The following CERCAM variants were observed in gnomAD, a reference collection of about 807,000 sequenced individuals.
CERCAM encodes the protein inactive glycosyltransferase 25 family member 3.
A neutral mutation model predicts 66.0 loss-of-function variants in CERCAM; 59 were observed. That is an observed-to-expected ratio of 0.89 (90% confidence interval 0.73 to 1.11). The LOEUF (loss-of-function observed/expected upper bound fraction) is 1.11. CERCAM is among the 50% of genes most tolerant of loss of function. The pLI is 0.00. For synonymous variants in CERCAM, 318 were observed against 343.6 expected, an observed-to-expected ratio of 0.93 and a Z score of 0.83; for missense variants, 840 against 828.3, an observed-to-expected ratio of 1.01 and a Z score of -0.17.
At chr9:128,436,137 C>CCT (rs1834109332) in intron 12 of CERCAM, among the ~76,000 whole-genome samples, 1 of 152,196 alleles carries the variant, frequency 6.6e-6, no homozygotes, top group African/African-American at 2.4e-5. Flanking sequence ...CTCACTGCAA[C>CCT]CTCTGCCTCT....
intron 9 of CERCAM, chr9:128,431,813 G>C (rs1353363384): frequency 6.5e-6 from 1 of 154,042 alleles, no homozygotes; most frequent in African/African-American, 2.4e-5. Context: ...AAGGAAGCCT[G>C]GGGCTTAGCA....
At chr9:128,433,867 T>G (rs554350099) in intron 9 of CERCAM, among the ~76,000 whole-genome samples, 40 of 152,244 alleles carry the variant, frequency 2.6e-4, no homozygotes, top group African/African-American at 9.6e-4. Flanking sequence ...ACAGTAGCAC[T>G]CAGGGAATGT....
chr9:128,425,096 C>T (rs11999838), intron 5 of CERCAM, among the ~76,000 whole-genome samples: 46,136 of 149,876 alleles, frequency 0.31, 9,537 homozygotes, highest in African/African-American at 0.59. Context: ...CTCACTCTGT[C>T]GCCCAGGCTG....
intron 9 of CERCAM, among the ~76,000 whole-genome samples, chr9:128,432,477 C>G (rs377076659): frequency 6.6e-6 from 1 of 151,334 alleles, no homozygotes; most frequent in Non-Finnish European, 1.5e-5. Flanking sequence ...CTGGACCTCC[C>G]GGGCTCAAGC....
In CERCAM at chr9:128,429,976, T is replaced by C. The variant is rs1375474036; in HGVS notation, c.1070+940T>C. On this transcript the variant is annotated intron_variant, in intron 8 of 12. Transcript: ENST00000372838. ...GATTAAAAAAAATGTTTTGTTTTGT[T>C]TTTTTTTCATAGAGATAGGGTCTCA... Among the ~76,000 whole-genome samples the C allele has an allele frequency of 2.0e-5, 3 of 151,670 alleles. No individual in the cohort carries two copies. The East Asian group carries it at 5.8e-4, about 30-fold the overall frequency.
At position 128,421,056 on chromosome 9, in the gene CERCAM, G is replaced by A; in HGVS notation, c.179G>A (p.Arg60Gln). The A allele has an allele frequency of 3.0e-6, 4 of 1,350,548 alleles. No homozygotes were observed. Among genetic ancestry groups the A allele is most frequent in the Non-Finnish European group, 3.8e-6 (4 of 1,050,220 alleles). 83.7% of individuals were successfully genotyped at this position (1,350,548 alleles called of 1,614,324 possible). ...GCTCTGGAGCGGCTGGACTACCCCC[G>A]GGCCAGGATGGCCCTCTGGTGAGAG... ...LGALERLDYP[R>Q]ARMALWCATD... Residue 60 changes from arginine (R) to glutamine (Q), a missense_variant, in exon 1 of 13, where the codon CGG becomes CAG. Arg to Gln is a conservative substitution (Grantham distance 43). Coordinates refer to ENST00000372838, the MANE Select transcript of CERCAM (RefSeq NM_016174.5).
chr9:128,428,267 C>G, intron 5 of CERCAM, 35 bp from the exon 6 acceptor site: 1 of 1,608,860 alleles, frequency 6.2e-7, no homozygotes, highest in Non-Finnish European at 8.5e-7. Flanking sequence ...GAGCCCCACC[C>G]TCCACTGCAG....
chr9:128,434,477 G>C lies in CERCAM; in HGVS notation c.1399G>C (p.Val467Leu). 1 of 1,613,972 alleles carries C rather than the reference G, an allele frequency of 6.2e-7. No individual in the cohort carries two copies. The highest frequency in any genetic ancestry group is 8.5e-7 in the Non-Finnish European group (1 of 1,180,016). ...TAVEGLPGLV[V>L]AGYSYWTLAY... ...CGTGGAGGGGCTGCCGGGCCTGGTG[G>C]TGGCTGGGTACTCCTACTGGACGCT... Residue 467 changes from valine (V) to leucine (L), a missense_variant, in exon 11 of 13, where the codon GTG becomes CTG. Val to Leu is a conservative substitution (Grantham distance 32, BLOSUM62 1). Coordinates refer to ENST00000372838, the MANE Select transcript of CERCAM (RefSeq NM_016174.5). The surrounding 1 kb of genome is among the most constrained non-coding windows in gnomAD (Gnocchi z 4.5).
At chr9:128,427,871 A>T (rs1366814058) in intron 5 of CERCAM, 1 of 129,942 alleles carries the variant, frequency 7.7e-6, no homozygotes, top group African/African-American at 3.0e-5. Flanking sequence ...GGTGAAGTGG[A>T]GGGGTGTGGG....
intron 3 of CERCAM, 135 bp downstream of exon 3, chr9:128,423,398 C>T: frequency 1.4e-6 from 1 of 700,982 alleles, no homozygotes; most frequent in South Asian, 1.7e-5. Context: ...AGGTGGATCA[C>T]CTGAGGTCAG....
rs1833752123 is a variant in CERCAM at position 128,423,195 on chromosome 9, C to T, written c.358C>T (p.Gln120Ter). The T allele has an allele frequency of 6.2e-7, 1 of 1,614,112 alleles. No homozygotes were observed. Among genetic ancestry groups the T allele is most frequent in the African/African-American group, 1.3e-5 (1 of 75,038 alleles). ...CAAGCACTGGACCAAAGAAAGGCAC[C>T]AGTTTCTGATGGAGCTGAAGCAGGA... Reference protein sequence around the residue: ...GPKHWTKERHQFLMELKQEAL... With the variant: ...GPKHWTKERH Residue 120 changes from glutamine to a stop codon, truncating the protein, a stop_gained, in exon 3 of 13, where the codon CAG becomes TAG. Coordinates refer to ENST00000372838, the MANE Select transcript of CERCAM (RefSeq NM_016174.5). LOFTEE classifies it high-confidence loss of function.
At chr9:128,435,234 T>C (rs1478602905) in intron 11 of CERCAM, among the ~76,000 whole-genome samples, 2 of 152,134 alleles carry the variant, frequency 1.3e-5, no homozygotes, top group Admixed American at 6.6e-5. Flanking sequence ...TGACCTCAAG[T>C]GATCTGCCTG....
At chr9:128,425,054 TG>T in intron 5 of CERCAM, among the ~76,000 whole-genome samples, 1 of 146,554 alleles carries the variant, frequency 6.8e-6, no homozygotes, top group Non-Finnish European at 1.5e-5. Flanking sequence ...GGTTTTTTGT[TG>T]TTGTTGTTGT....
chr9:128,424,586 C>CGAAAT lies in CERCAM; in HGVS notation c.739_740insAAATG (p.Val247GlufsTer26), dbSNP rs768894755. The stretch of plus-strand genomic sequence containing the variant: ...ACACTTGGCCTTTCGACGACATCAT[C>CGAAAT]GTCTTCGCCTATGCCTGCCAGGCTG... On this transcript the variant is annotated frameshift_variant, in exon 5 of 13. Coordinates refer to ENST00000372838, the MANE Select transcript of CERCAM (RefSeq NM_016174.5). LOFTEE classifies it high-confidence loss of function. The CGAAAT allele has an allele frequency of 1.9e-6, 3 of 1,614,172 alleles. No individual in the cohort carries two copies. In the Admixed American group the frequency reaches 5.0e-5, roughly 27 times the overall value.
intron 12 of CERCAM, among the ~76,000 whole-genome samples, chr9:128,436,409 G>A (rs1222003567): frequency 2.0e-5 from 3 of 152,016 alleles, no homozygotes; most frequent in African/African-American, 2.4e-5. Context: ...CACCACGTCC[G>A]GCTAAATTTT....
intron 1 of CERCAM, chr9:128,421,471 A>G: frequency 2.0e-6 from 2 of 997,406 alleles, no homozygotes; most frequent in South Asian, 4.7e-5. Flanking sequence ...CTGGGGCCCA[A>G]CGTGGCAGGG....
upstream of CERCAM, chr9:128,420,120 G>C (rs1436336615): frequency 1.3e-5 from 2 of 152,432 alleles, no homozygotes; most frequent in Non-Finnish European, 2.9e-5. This position sits in a 1 kb window ranked among gnomAD's most constrained non-coding sequence, Gnocchi z 5.0. Flanking sequence ...CTCCCGCCTC[G>C]GTCTCCCAAA....
chr9:128,424,551 C>T lies in CERCAM; in HGVS notation c.703C>T (p.His235Tyr), dbSNP rs764869696. ...AGACCAGCTTGCTTTCTACCCGCCACATCCCAACTACACTTGGCCTTTCGA... is the reference window on the plus strand; with the variant it reads ...AGACCAGCTTGCTTTCTACCCGCCATATCCCAACTACACTTGGCCTTTCGA... ...GADQLAFYPP[H>Y]PNYTWPFDDI... Residue 235 changes from histidine (H) to tyrosine (Y), a missense_variant, in exon 5 of 13, where the codon CAT becomes TAT. Coordinates refer to ENST00000372838, the MANE Select transcript of CERCAM (RefSeq NM_016174.5). 7.4e-6 allele frequency: 12 copies of T among 1,614,234 alleles called. No individual in the cohort carries two copies. In the South Asian group the frequency reaches 7.7e-5, roughly 10 times the overall value.
chr9:128,423,719 A>G (rs1369043054), intron 3 of CERCAM, among the ~76,000 whole-genome samples: 13 of 152,128 alleles, frequency 8.5e-5, no homozygotes, highest in Non-Finnish European at 1.5e-5. Context: ...CCAGATGTTC[A>G]GATTGGATCC....
Sources: gnomAD v4.1 joint callset for allele counts (sites outside exome capture counted in the v4.1 genomes callset) on GRCh38, gnomAD v4.1.1 for gene constraint, Gnocchi (gnomAD v3.1) non-coding constraint, MANE v1.5 for transcripts, NCBI Gene and HGNC (gene_info 2026-07-23, HGNC 2026-07-21) for gene names.